ZNF574: variants seen among roughly 807,000 people sequenced by gnomAD.
ZNF574 encodes zinc finger protein 574.
A neutral mutation model predicts 56.6 loss-of-function variants in ZNF574; 25 were observed. The observed-to-expected ratio is 0.44, with a 90% CI of 0.32 to 0.62. The LOEUF is 0.62. Among genes scored for constraint, ZNF574 ranks in the 20% least tolerant of loss-of-function variants. The pLI, the probability that ZNF574 is intolerant of heterozygous loss-of-function variation, is 0.04. For missense variants in ZNF574, 1,065 were observed against 1,218.9 expected (o/e 0.87, Z 1.88); for synonymous variants, 543 against 492.1 (o/e 1.10, Z -1.37).
In ZNF574 at chr19:42,079,812, C is replaced by T. The variant is rs545073831; in HGVS notation, c.1206C>T (p.Asn402=). The T allele has an allele frequency of 3.2e-5, 51 of 1,614,064 alleles. No homozygotes were observed. Among genetic ancestry groups the T allele is most frequent in the East Asian group, 6.7e-5 (3 of 44,890 alleles). Reference sequence around the variant, plus strand: ...GTCCATGTGGGAAGACCTTTGTCAACCTTACCAAGTTCCTTTATCACCGGC... The same window carrying T: ...GTCCATGTGGGAAGACCTTTGTCAATCTTACCAAGTTCCTTTATCACCGGC... The part of the protein sequence containing the change: ...HSCPCGKTFV[N]LTKFLYHRRT... The change falls in exon 2 of 2, where the codon AAC becomes AAT. Residue 402 remains asparagine, a synonymous_variant. Coordinates refer to ENST00000359044, the MANE Select transcript of ZNF574 (RefSeq NM_022752.6). The surrounding 1 kb of genome is among the most constrained non-coding windows in gnomAD (Gnocchi z 4.3).
Position 42,079,752 on chromosome 19 carries a change from C to T in ZNF574, c.1146C>T (p.His382=). 1.2e-6 allele frequency: 2 copies of T among 1,614,196 alleles called. No homozygotes were observed. The highest frequency in any genetic ancestry group is 1.1e-5 in the South Asian group (1 of 91,086). Residue 382 remains histidine, a synonymous_variant, in exon 2 of 2, where the codon CAC becomes CAT. Transcript: ENST00000359044. The surrounding 1 kb of genome is among the most constrained non-coding windows in gnomAD (Gnocchi z 4.3). ...AFGTEALLLA[H]RRAHTPNPLH... ...GCACAGAGGCCCTCCTCCTGGCCCA[C>T]CGGCGAGCCCACACCCCGAATCCTC...
rs1396942953 is a variant in ZNF574 at position 42,080,243 on chromosome 19, CAGG to C, written c.1640_1642del (p.Gly547del). The C allele has an allele frequency of 6.2e-7, 1 of 1,614,058 alleles. No homozygotes were observed. The highest frequency in any genetic ancestry group is 8.5e-7 in the Non-Finnish European group (1 of 1,180,042). ...CTGGCCCGCCACCGGCTCACACACACAGGAGAGCGGCCCTACCGGTGTGGGGAC... is the reference window on the plus strand; with the variant it reads ...CTGGCCCGCCACCGGCTCACACACACAGAGCGGCCCTACCGGTGTGGGGAC... On this transcript the variant is annotated inframe_deletion, in exon 2 of 2. Transcript: ENST00000359044. This position sits in a 1 kb window ranked among gnomAD's most constrained non-coding sequence, Gnocchi z 8.5.
chr19:42,074,506 T>A (rs372950618), upstream of ZNF574, among the ~76,000 whole-genome samples: 1 of 148,750 alleles, frequency 6.7e-6, no homozygotes, highest in Non-Finnish European at 1.5e-5. Flanking sequence ...AAAATAAAAA[T>A]AAAATGAGTA....
chr19:42,072,220 CT>C (rs948016970), upstream of ZNF574, among the ~76,000 whole-genome samples: 1 of 147,522 alleles, frequency 6.8e-6, no homozygotes. Context: ...CTCAAATTTT[CT>C]TTTTTTTTCC....
intron 1 of ZNF574, chr19:42,069,098 G>A: frequency 2.2e-6 from 1 of 444,554 alleles, no homozygotes; most frequent in South Asian, 5.0e-5. Context: ...GGAGATGGAG[G>A]GCGCAGAGCA....
intron 1 of ZNF574, among the ~76,000 whole-genome samples, chr19:42,069,791 G>A (rs892637951): frequency 6.6e-6 from 1 of 152,022 alleles, no homozygotes; most frequent in Non-Finnish European, 1.5e-5. Context: ...TGCCCTGGTT[G>A]AGGCAAGGGC....
chr19:42,080,680 G>T lies in ZNF574; in HGVS notation c.2074G>T (p.Ala692Ser). Residue 692 changes from alanine to serine, a missense_variant, in exon 2 of 2, where the codon GCT becomes TCT. By Grantham distance (99) the Ala-to-Ser change is moderately conservative. Coordinates refer to ENST00000359044, the MANE Select transcript of ZNF574 (RefSeq NM_022752.6). This position sits in a 1 kb window ranked among gnomAD's most constrained non-coding sequence, Gnocchi z 8.5. Reference protein sequence around the residue: ...LQAHEAAHAAAGPGEVLAKEP... With the variant: ...LQAHEAAHAASGPGEVLAKEP... ...GGCACACGAGGCGGCCCATGCAGCT[G>T]CTGGGCCTGGAGAGGTCCTGGCTAA... is the stretch of plus-strand genomic sequence containing the variant. 1 of 1,613,138 alleles carries T rather than the reference G, an allele frequency of 6.2e-7. No homozygotes were observed. The highest frequency in any genetic ancestry group is 2.2e-5 in the East Asian group (1 of 44,880).
chr19:42,074,624 C>G (rs757013327), upstream of ZNF574: 3 of 152,094 alleles, frequency 2.0e-5, no homozygotes, highest in African/African-American at 7.2e-5. Flanking sequence ...AGGCTCAGGA[C>G]AGTTGACTTG....
Position 42,080,664 on chromosome 19 carries a change from G to T in ZNF574, c.2058G>T (p.Glu686Asp). 6.2e-7 allele frequency: 1 copy of T among 1,613,152 alleles called. No homozygotes were observed. Residue 686 changes from glutamate (E) to aspartate (D), a missense_variant, in exon 2 of 2, where the codon GAG becomes GAT. By Grantham distance (45) the Glu-to-Asp change is conservative (BLOSUM62 2). Transcript: ENST00000359044. The surrounding 1 kb of genome is among the most constrained non-coding windows in gnomAD (Gnocchi z 8.5). ...CAGCTGCTCGACTGCAGGCACACGA[G>T]GCGGCCCATGCAGCTGCTGGGCCTG... The part of the protein sequence containing the change: ...VGSAARLQAH[E>D]AAHAAAGPGE...
chr19:42,076,501 CTGAG>C, intron 1 of ZNF574, among the ~76,000 whole-genome samples: 1 of 150,930 alleles, frequency 6.6e-6, no homozygotes, highest in Non-Finnish European at 1.5e-5. Context: ...GCGTGCGGGG[CTGAG>C]TGAGGAGGGG....
upstream of ZNF574, among the ~76,000 whole-genome samples, chr19:42,073,607 AGGCCAGG>A (rs1275660106): frequency 6.6e-6 from 1 of 151,484 alleles, no homozygotes. Context: ...GATCAACTTG[AGGCCAGG>A]AGTTCGAGAC....
chr19:42,079,591 CG>C lies in ZNF574; in HGVS notation c.987del (p.Ser330ValfsTer38), dbSNP rs1160999356. ...ACCCCACCAGCTACAGCAGCACCTG[CG>C]GAGTCACCGGGAGGGCGTCTTTAAG... is the stretch of plus-strand genomic sequence containing the variant. ...LSPHQLQQHL[R>X]SHREGVFKCP... On this transcript the variant is annotated frameshift_variant, in exon 2 of 2. Coordinates refer to ENST00000359044, the MANE Select transcript of ZNF574 (RefSeq NM_022752.6). LOFTEE classifies it high-confidence loss of function. This position sits in a 1 kb window ranked among gnomAD's most constrained non-coding sequence, Gnocchi z 4.3. The C allele has an allele frequency of 6.2e-7, 1 of 1,614,166 alleles. No homozygotes were observed. The highest frequency in any genetic ancestry group is 2.2e-5 in the East Asian group (1 of 44,886).
Position 42,078,772 on chromosome 19 carries a change from G to A in ZNF574, c.166G>A (p.Val56Met). ...LVGVADPGVT[V>M]ATDTASGTGL... ...GGGCGTGGCTGATCCCGGAGTCACT[G>A]TGGCCACAGACACAGCTTCAGGCAC... Residue 56 changes from valine to methionine, a missense_variant, in exon 2 of 2, where the codon GTG becomes ATG. Physicochemically the swap from Val to Met is conservative, Grantham distance 21. Transcript: ENST00000359044. 2 of 1,614,102 alleles carry A rather than the reference G, an allele frequency of 1.2e-6. No individual in the cohort carries two copies. The highest frequency in any genetic ancestry group is 8.5e-7 in the Non-Finnish European group (1 of 1,179,974).
chr19:42,069,654 G>T (rs1196369049), intron 1 of ZNF574, among the ~76,000 whole-genome samples: 1 of 151,184 alleles, frequency 6.6e-6, no homozygotes, highest in Non-Finnish European at 1.5e-5. Context: ...GGCCGGCCTG[G>T]GGGGGCCACA....
chr19:42,079,853 G>C lies in ZNF574; in HGVS notation c.1247G>C (p.Gly416Ala). The change falls in exon 2 of 2, where the codon GGG becomes GCG. Residue 416 changes from glycine to alanine, a missense_variant. Transcript: ENST00000359044. This position sits in a 1 kb window ranked among gnomAD's most constrained non-coding sequence, Gnocchi z 4.3. ...TATCACCGGCGTACTCATGGGGTAGGGGGTGTCCCTCTGCCCACAACACCA... is the reference window on the plus strand; with the variant it reads ...TATCACCGGCGTACTCATGGGGTAGCGGGTGTCCCTCTGCCCACAACACCA... ...FLYHRRTHGV[G>A]GVPLPTTPVP... is the part of the protein sequence containing the mutation. 1 of 1,614,112 alleles carries C rather than the reference G, an allele frequency of 6.2e-7. No individual in the cohort carries two copies. Among genetic ancestry groups the C allele is most frequent in the Non-Finnish European group, 8.5e-7 (1 of 1,180,026 alleles).
chr19:42,070,099 C>A (rs1038206042), intron 1 of ZNF574, among the ~76,000 whole-genome samples: 1 of 152,124 alleles, frequency 6.6e-6, no homozygotes, highest in Admixed American at 6.5e-5. Context: ...CTCCAGTCCC[C>A]GGCTGGGCCT....
chr19:42,075,524 TTC>T (rs376987533), upstream of ZNF574, among the ~76,000 whole-genome samples: 30 of 152,314 alleles, frequency 2.0e-4, no homozygotes, highest in African/African-American at 6.0e-4. Flanking sequence ...CCTCGGTCTT[TTC>T]TCTGTTTCTT....
intron 1 of ZNF574, among the ~76,000 whole-genome samples, 169 bp from the exon 2 acceptor site, chr19:42,078,414 GTGTT>G (rs1210618116): frequency 1.3e-5 from 2 of 152,138 alleles, no homozygotes; most frequent in East Asian, 1.9e-4. Context: ...TTTGTGTTTG[GTGTT>G]TGTTATGCTG....
chr19:42,081,514 C>A lies in ZNF574; in HGVS notation c.*217C>A. ...CTTCCACCTCTTAGCACTGGTGACCCCAAAAATGAAACCATCAATAAAGAC... is the reference window on the plus strand; with the variant it reads ...CTTCCACCTCTTAGCACTGGTGACCACAAAAATGAAACCATCAATAAAGAC... On this transcript the variant is annotated 3_prime_UTR_variant, in exon 2 of 2. Coordinates refer to ENST00000359044, the MANE Select transcript of ZNF574 (RefSeq NM_022752.6). 1.6e-6 allele frequency: 1 copy of A among 633,738 alleles called. No homozygotes were observed. Among genetic ancestry groups the A allele is most frequent in the Non-Finnish European group, 2.8e-6 (1 of 353,182 alleles). The allele number at this position is 633,738 out of a possible 1,614,324, so 39.3% of individuals were successfully genotyped here. A position where few individuals can be genotyped will look rare whatever the true frequency, so the allele number is the denominator to read the frequency against.
Sources: allele counts gnomAD v4.1 joint callset (sites outside exome capture counted in the v4.1 genomes callset), GRCh38; gene constraint gnomAD v4.1.1; non-coding constraint Gnocchi (gnomAD v3.1); transcripts MANE v1.5; gene names NCBI Gene and HGNC (gene_info 2026-07-23, HGNC 2026-07-21).